The following SEC23B variants were observed in gnomAD, a reference collection of about 807,000 sequenced individuals.
SEC23B encodes protein transport protein Sec23B.
In SEC23B, 77 loss-of-function variants were observed where a neutral mutation model predicts 104.3. The observed-to-expected ratio is 0.74, with a 90% CI of 0.61 to 0.89. The LOEUF is 0.89. SEC23B is among the 40% of genes least tolerant of loss of function. SEC23B has a pLI of 0.00. For missense variants in SEC23B, 885 were observed against 949.4 expected, an observed-to-expected ratio of 0.93 and a Z score of 0.89; for synonymous variants, 338 against 332.5, an observed-to-expected ratio of 1.02 and a Z score of -0.18.
chr20:18,535,785 G>A, intron 12 of SEC23B, 43 bp downstream of exon 12: 1 of 1,460,882 alleles, frequency 6.8e-7, no homozygotes, highest in Non-Finnish European at 9.6e-7. Flanking sequence ...TTAGTGTCCT[G>A]TTTTGTGATT....
intron 17 of SEC23B, 133 bp downstream of exon 17, chr20:18,551,308 G>C: frequency 1.6e-6 from 1 of 624,310 alleles, no homozygotes; most frequent in Non-Finnish European, 2.8e-6. Context: ...TATTTATTAA[G>C]TTAGGTTTTT....
At chr20:18,559,078 G>GC (rs1189005734) in intron 19 of SEC23B, among the ~76,000 whole-genome samples, 777 of 53,668 alleles carry the variant, frequency 0.014, 11 homozygotes, top group African/African-American at 0.039. Context: ...GAAGGTGGTT[G>GC]GTGGGGGGGG....
chr20:18,525,333 GC>G (rs898591538), intron 6 of SEC23B, among the ~76,000 whole-genome samples: 2 of 152,182 alleles, frequency 1.3e-5, no homozygotes, highest in African/African-American at 4.8e-5. Flanking sequence ...CCCATTGAGT[GC>G]CTAGACTGAG....
chr20:18,526,817 C>T (rs1359205137), intron 8 of SEC23B, among the ~76,000 whole-genome samples: 1 of 152,186 alleles, frequency 6.6e-6, no homozygotes, highest in Non-Finnish European at 1.5e-5. Context: ...CGGTGGCTCA[C>T]GGCTGTAATC....
intron 3 of SEC23B, 122 bp from the exon 4 acceptor site, chr20:18,515,528 G>C: frequency 1.4e-6 from 1 of 692,736 alleles, no homozygotes. Context: ...GCCCAAGCTA[G>C]TCTGGAGCTC....
At chr20:18,558,272 C>CAAAA (rs1479537538) in intron 19 of SEC23B, among the ~76,000 whole-genome samples, 1 of 152,146 alleles carries the variant, frequency 6.6e-6, no homozygotes, top group African/African-American at 2.4e-5. Flanking sequence ...TCATTGTTTT[C>CAAAA]CCCTGTAGAG....
At chr20:18,555,665 A>G (rs757325380) in intron 19 of SEC23B, among the ~76,000 whole-genome samples, 5 of 152,076 alleles carry the variant, frequency 3.3e-5, no homozygotes, top group Non-Finnish European at 7.4e-5. Context: ...TTCTTAAAAC[A>G]TTTTTAAATT....
At chr20:18,523,822 C>T (rs896919429) in intron 4 of SEC23B, among the ~76,000 whole-genome samples, 3 of 151,970 alleles carry the variant, frequency 2.0e-5, no homozygotes, top group African/African-American at 4.8e-5. Context: ...CTCCTGCCTC[C>T]GCCTCCTGAG....
At chr20:18,511,141 G>A (rs1024147482) in intron 2 of SEC23B, 85 bp downstream of exon 2, 15 of 1,155,132 alleles carry the variant, frequency 1.3e-5, no homozygotes, top group Admixed American at 1.0e-4. Context: ...CATTAAATTT[G>A]GGCAGGTCAT....
At chr20:18,543,317 A>C (rs1293925639) in intron 14 of SEC23B, 145 bp downstream of exon 14, 1 of 1,018,914 alleles carries the variant, frequency 9.8e-7, no homozygotes, top group Non-Finnish European at 1.5e-6. Context: ...ACATTCTGTT[A>C]AAGACGTGTT....
intron 14 of SEC23B, among the ~76,000 whole-genome samples, chr20:18,545,570 A>G (rs563319308): frequency 6.6e-6 from 1 of 152,340 alleles, no homozygotes; most frequent in Admixed American, 6.5e-5. Context: ...TGGGAGAAAT[A>G]AATTTGAGTT....
At position 18,542,392 on chromosome 20, in the gene SEC23B, A is replaced by G. The variant is rs189671814; in HGVS notation, c.1501A>G (p.Ile501Val). ...STQRRIRVTT[I>V]ARNWADVQSQ... Reference sequence around the variant, plus strand: ...CCAGAGACGCATCCGCGTGACCACCATCGCCCGAAAGTAAGCAGCCCCAGT... The same window carrying G: ...CCAGAGACGCATCCGCGTGACCACCGTCGCCCGAAAGTAAGCAGCCCCAGT... Residue 501 changes from isoleucine (I) to valine (V), a missense_variant, in exon 13 of 20, where the codon ATC (isoleucine) becomes GTC (valine). Physicochemically the swap from Ile to Val is conservative, Grantham distance 29 (BLOSUM62 3). Coordinates refer to ENST00000650089, the MANE Select transcript of SEC23B (RefSeq NM_006363.6). 11 of 1,614,122 alleles carry G rather than the reference A, an allele frequency of 6.8e-6. No homozygotes were observed. In the East Asian group the frequency reaches 1.1e-4, roughly 16 times the overall value.
At chr20:18,557,602 AGT>A (rs764555005) in intron 19 of SEC23B, among the ~76,000 whole-genome samples, 9 of 152,168 alleles carry the variant, frequency 5.9e-5, no homozygotes, top group Non-Finnish European at 1.2e-4. Flanking sequence ...CACATCAGAC[AGT>A]GTTATAATTT....
chr20:18,520,323 G>A (rs557189669), intron 4 of SEC23B, among the ~76,000 whole-genome samples: 36 of 152,304 alleles, frequency 2.4e-4, no homozygotes, highest in African/African-American at 7.5e-4. Flanking sequence ...TCCATTTAAA[G>A]CATGCCGTGG....
rs1187687497 is a variant in SEC23B at position 18,539,509 on chromosome 20, C to CA, written c.1405-2768dup. Among the ~76,000 whole-genome samples the CA allele has an allele frequency of 7.8e-3, 441 of 56,876 alleles. 3 individuals carry two copies. The highest frequency in any genetic ancestry group is 0.018 in the Middle Eastern group (2 of 112). 37.3% of individuals were successfully genotyped at this position (56,876 alleles called of 152,430 possible). A position where few individuals can be genotyped will look rare whatever the true frequency, so the allele number is the denominator to read the frequency against. On this transcript the variant is annotated intron_variant, in intron 12 of 19. Coordinates refer to ENST00000650089, the MANE Select transcript of SEC23B (RefSeq NM_006363.6). The stretch of plus-strand genomic sequence containing the variant: ...TGGGCGACAGAGCAAGACTCCGTCT[C>CA]AAAAAAAAAAAAAAAAAAAGAGATG...
intron 16 of SEC23B, 90 bp downstream of exon 16, chr20:18,548,860 A>C (rs548625669): frequency 4.4e-6 from 6 of 1,353,666 alleles, no homozygotes; most frequent in East Asian, 4.6e-5. Flanking sequence ...AACTGTAAAA[A>C]AGAAGTAAAA....
intron 2 of SEC23B, 121 bp downstream of exon 2, chr20:18,511,177 T>A (rs2059979132): frequency 1.3e-6 from 1 of 765,772 alleles, no homozygotes; most frequent in East Asian, 2.6e-5. Flanking sequence ...TAGTAGATGA[T>A]GAGACTCCTA....
intron 4 of SEC23B, among the ~76,000 whole-genome samples, chr20:18,516,709 GC>G (rs2060031687): frequency 6.6e-6 from 1 of 151,386 alleles, no homozygotes; most frequent in Non-Finnish European, 1.5e-5. Flanking sequence ...CTGCCACCAC[GC>G]CCGGCTAATT....
At chr20:18,509,549 T>A (rs544752634) in intron 1 of SEC23B, 2 of 152,302 alleles carry the variant, frequency 1.3e-5, no homozygotes, top group South Asian at 4.1e-4. Flanking sequence ...TGGGATCATC[T>A]GGGTTTGAGA....
Sources: allele counts gnomAD v4.1 joint callset (sites outside exome capture counted in the v4.1 genomes callset), GRCh38; gene constraint gnomAD v4.1.1; transcripts MANE v1.5; gene names NCBI Gene and HGNC (gene_info 2026-07-23, HGNC 2026-07-21).